The following BRME1 variants were observed in gnomAD, a reference collection of about 807,000 sequenced individuals.
The protein encoded by BRME1 is BRCA2 and MEILB2-associating protein 1.
BRME1 carries 31 observed loss-of-function variants against 52.6 expected under a neutral mutation model. The observed-to-expected ratio is 0.59, with a 90% CI of 0.44 to 0.80. The LOEUF is 0.80. Among genes scored for constraint, BRME1 ranks in the 30% least tolerant of loss-of-function variants. The probability of loss-of-function intolerance (pLI) is 0.00; values close to 1 mark genes in which losing one functional copy is unlikely to be tolerated. For synonymous variants in BRME1, 359 were observed against 353.6 expected (o/e 1.02, Z -0.17); for missense variants, 804 against 860.3 (o/e 0.93, Z 0.82).
rs73922796 is a variant in BRME1, at chr19:13,889,537, G to C, written c.1319C>G (p.Pro440Arg). ...MGAGDSGHAS[P>R]DTGPCVNQKQ... ...CTGATTGACACATGGACCTGTGTCC[G>C]GGGATGCATGACCGGAATCTCCAGC... Residue 440 changes from proline (P) to arginine (R), a missense_variant, in exon 6 of 9, where the codon CCG becomes CGG. By Grantham distance (103) the Pro-to-Arg change is moderately radical. Around this residue, in one of 3 missense-constraint regions of BRME1, gnomAD observed 552 missense variants for 561.1 expected, o/e 0.98. Coordinates refer to ENST00000586783, the MANE Select transcript of BRME1 (RefSeq NM_001345843.2). 1.2e-6 allele frequency: 2 copies of C among 1,613,542 alleles called. No individual in the cohort carries two copies. Among genetic ancestry groups the C allele is most frequent in the Admixed American group, 3.3e-5 (2 of 60,000 alleles).
chr19:13,888,622 C>G lies in BRME1; in HGVS notation c.1668+566G>C, dbSNP rs1446619880. Among the ~76,000 whole-genome samples, 4 of 152,238 alleles carry G rather than the reference C, an allele frequency of 2.6e-5. No homozygotes were observed. The highest frequency in any genetic ancestry group is 5.9e-5 in the Non-Finnish European group (4 of 68,044). On this transcript the variant is annotated intron_variant, in intron 6 of 8. Coordinates refer to ENST00000586783, the MANE Select transcript of BRME1 (RefSeq NM_001345843.2). The surrounding 1 kb of genome is among the most constrained non-coding windows in gnomAD (Gnocchi z 4.1). ...ACATCCGGGCAGCCGGTGGGGCGGG[C>G]AGATCCCTGAAGGAGGCAAAGCCCT...
chr19:13,905,234 A>C (rs1171756056), intron 1 of BRME1, among the ~76,000 whole-genome samples: 1 of 152,068 alleles, frequency 6.6e-6, no homozygotes, highest in Non-Finnish European at 1.5e-5. Flanking sequence ...GCCTGTGTGA[A>C]GCCCCTCCCT....
At chr19:13,900,220 C>T (rs951292265) in intron 2 of BRME1, among the ~76,000 whole-genome samples, 22 of 152,158 alleles carry the variant, frequency 1.4e-4, no homozygotes, top group Admixed American at 2.6e-4. Context: ...AAGGCAGAAC[C>T]TTGTGTTCGA....
rs1016200716 is a variant in BRME1 at position 13,883,070 on chromosome 19, C to G, written c.1857-118G>C. On this transcript the variant is annotated intron_variant, in intron 8 of 8. Transcript: ENST00000586783. This position sits in a 1 kb window ranked among gnomAD's most constrained non-coding sequence, Gnocchi z 4.2. Reference sequence around the variant, plus strand: ...CAGGTGCACACACACGGCTCACACACGTGCACATAACCAGAAAGGGCCTGT... The same window carrying G: ...CAGGTGCACACACACGGCTCACACAGGTGCACATAACCAGAAAGGGCCTGT... 44 of 1,309,540 alleles carry G rather than the reference C, an allele frequency of 3.4e-5. No individual in the cohort carries two copies. Among genetic ancestry groups the G allele is most frequent in the Non-Finnish European group, 4.5e-5 (43 of 951,438 alleles). 81.1% of individuals were successfully genotyped at this position (1,309,540 alleles called of 1,614,324 possible).
intron 6 of BRME1, 21 bp downstream of exon 6, chr19:13,889,167 G>A (rs1969258432): frequency 6.5e-7 from 1 of 1,532,648 alleles, no homozygotes; most frequent in Non-Finnish European, 8.8e-7. Context: ...AGGTATGTCT[G>A]TCACTCAGGG....
intron 2 of BRME1, among the ~76,000 whole-genome samples, chr19:13,899,027 A>G (rs1373635651): frequency 2.0e-5 from 3 of 151,282 alleles, no homozygotes; most frequent in Admixed American, 6.6e-5. Context: ...AAGTAAACCT[A>G]CTGAATGAGT....
Position 13,895,480 on chromosome 19 carries a change from TG to T in BRME1, c.97del (p.Gln33ArgfsTer81). On this transcript the variant is annotated frameshift_variant, in exon 3 of 9. Transcript: ENST00000586783. LOFTEE classifies it high-confidence loss of function. Reference protein sequence around the residue: ...PRLGDFYGDPQSSMLGCLHHP... With the variant: ...PRLGDFYGDPXSSMLGCLHHP... ...ATGTAAACAGCCCAACATGGAACTC[TG>T]GGGGTCCCCATAGAAGTCTCCTAGC... The T allele has an allele frequency of 1.2e-6, 2 of 1,614,084 alleles. No individual in the cohort carries two copies. The highest frequency in any genetic ancestry group is 1.7e-6 in the Non-Finnish European group (2 of 1,179,990).
chr19:13,893,761 T>A (rs903238160), intron 3 of BRME1, among the ~76,000 whole-genome samples: 6 of 151,016 alleles, frequency 4.0e-5, no homozygotes, highest in Admixed American at 2.0e-4. Flanking sequence ...TACAAAAAAT[T>A]TAAAAATTAG....
rs529452628 is a variant in BRME1 at position 13,889,952 on chromosome 19, C to T, written c.904G>A (p.Gly302Arg). ...LGPASWCLEPGSVAQGSPDPQ... is the reference protein window; with the variant it reads ...LGPASWCLEPRSVAQGSPDPQ... ...TCAGGGGAGCCCTGGGCCACAGACC[C>T]GGGTTCCAGGCACCAAGAGGCAGGG... is the stretch of plus-strand genomic sequence containing the variant. Residue 302 changes from glycine (G) to arginine (R), a missense_variant, in exon 6 of 9, where the codon GGG becomes AGG. This residue lies in a region of BRME1 where 552 missense variants were observed against 561.1 expected (regional missense o/e 0.98). Coordinates refer to ENST00000586783, the MANE Select transcript of BRME1 (RefSeq NM_001345843.2). The T allele has an allele frequency of 1.1e-5, 17 of 1,612,600 alleles. No individual in the cohort carries two copies. The highest frequency in any genetic ancestry group is 8.9e-5 in the East Asian group (4 of 44,870).
intron 2 of BRME1, among the ~76,000 whole-genome samples, chr19:13,898,890 T>C (rs1450535754): frequency 3.2e-5 from 4 of 125,776 alleles, no homozygotes; most frequent in African/African-American, 6.4e-5. Context: ...GTCATTGCAC[T>C]CCAGCCTGGG....
intron 4 of BRME1, 92 bp from the exon 5 acceptor site, chr19:13,892,982 G>A (rs2145173520): frequency 3.6e-6 from 5 of 1,393,654 alleles, no homozygotes; most frequent in Non-Finnish European, 5.0e-6. Flanking sequence ...CTCCTTTCTT[G>A]TAGCCTTGAG....
chr19:13,904,777 G>T, intron 2 of BRME1, 85 bp downstream of exon 2: 1 of 1,414,564 alleles, frequency 7.1e-7, no homozygotes, highest in East Asian at 2.3e-5. Flanking sequence ...AGGCAGTCGT[G>T]TTAGCCAGAT....
intron 2 of BRME1, among the ~76,000 whole-genome samples, chr19:13,901,700 A>G (rs1359968829): frequency 2.0e-5 from 3 of 150,072 alleles, no homozygotes; most frequent in African/African-American, 7.3e-5. Flanking sequence ...CTGTCTCCAA[A>G]AAAAAAAAAA....
intron 2 of BRME1, among the ~76,000 whole-genome samples, chr19:13,900,314 C>T (rs1970210914): frequency 6.6e-6 from 1 of 152,304 alleles, no homozygotes; most frequent in Middle Eastern, 3.4e-3. Flanking sequence ...ACCCTTCCAG[C>T]ACACACAGAA....
At position 13,883,003 on chromosome 19, in the gene BRME1, CAG is replaced by C. The variant is rs773396620; in HGVS notation, c.1857-53_1857-52del. 701 of 1,584,486 alleles carry C rather than the reference CAG, an allele frequency of 4.4e-4. No individual in the cohort carries two copies. The highest frequency in any genetic ancestry group is 5.6e-4 in the Non-Finnish European group (655 of 1,167,042). On this transcript the variant is annotated intron_variant, in intron 8 of 8. Transcript: ENST00000586783. This position sits in a 1 kb window ranked among gnomAD's most constrained non-coding sequence, Gnocchi z 4.2. ...GTGGGGCTCAGTGGTCACCAGGTGA[CAG>C]AGGGGGCCGCGCCTCACAGCCACAT...
At chr19:13,894,054 C>T (rs760755758) in intron 3 of BRME1, among the ~76,000 whole-genome samples, 77 of 152,116 alleles carry the variant, frequency 5.1e-4, no homozygotes, top group Non-Finnish European at 9.7e-4. Flanking sequence ...GAATACACTG[C>T]CTTAACAGGT....
intron 3 of BRME1, among the ~76,000 whole-genome samples, chr19:13,895,171 G>A (rs987779790): frequency 6.6e-6 from 1 of 152,082 alleles, no homozygotes; most frequent in Non-Finnish European, 1.5e-5. Flanking sequence ...TAGCCACCAT[G>A]CCCGGCTAAA....
chr19:13,885,897 T>C (rs1968977999), intron 7 of BRME1, 64 bp downstream of exon 7: 19 of 1,437,660 alleles, frequency 1.3e-5, no homozygotes, highest in Non-Finnish European at 1.8e-5. Flanking sequence ...CTCCTCCATC[T>C]GTCACCCTCC....
intron 2 of BRME1, among the ~76,000 whole-genome samples, chr19:13,896,202 G>A (rs577905602): frequency 2.6e-5 from 4 of 151,814 alleles, no homozygotes; most frequent in Admixed American, 6.6e-5. Flanking sequence ...CCTGGTAGGC[G>A]GAAGTTGCAG....
Sources: gnomAD v4.1 joint callset for allele counts (sites outside exome capture counted in the v4.1 genomes callset) on GRCh38, gnomAD v4.1.1 for gene constraint, gnomAD v4.1.1 regional missense constraint, Gnocchi (gnomAD v3.1) non-coding constraint, MANE v1.5 for transcripts, NCBI Gene and HGNC (gene_info 2026-07-23, HGNC 2026-07-21) for gene names.